LMX1A: variants seen among roughly 807,000 people sequenced by gnomAD.
LMX1A encodes the protein LIM homeobox transcription factor 1 alpha, also known as LIM homeobox transcription factor 1-alpha.
A neutral mutation model predicts 49.1 loss-of-function variants in LMX1A; 15 were observed. That is an observed-to-expected ratio of 0.31 (90% CI 0.20 to 0.47). The LOEUF is 0.47. Among genes scored for constraint, LMX1A ranks in the 20% least tolerant of loss-of-function variants. The pLI, the probability that LMX1A is intolerant of heterozygous loss-of-function variation, is 1.00. For missense variants in LMX1A, 372 were observed against 475.8 expected, an observed-to-expected ratio of 0.78 and a Z score of 2.03; for synonymous variants, 167 against 185.7, an observed-to-expected ratio of 0.90 and a Z score of 0.82.
intron 3 of LMX1A, among the ~76,000 whole-genome samples, chr1:165,346,083 C>G (rs1469306854): frequency 6.6e-6 from 1 of 152,174 alleles, no homozygotes; most frequent in Non-Finnish European, 1.5e-5. Flanking sequence ...CCATTCCCAG[C>G]AAAGCTGGAC....
chr1:165,205,895 G>A lies in LMX1A; in HGVS notation c.957C>T (p.Pro319=), dbSNP rs374428255. 1.1e-5 allele frequency: 17 copies of A among 1,613,950 alleles called. No homozygotes were observed. The African/African-American group carries it at 2.0e-4, about 19-fold the overall frequency. Residue 319 remains proline, a synonymous_variant, in exon 8 of 9, where the codon CCC becomes CCT. Transcript: ENST00000342310. ...GGTGCATGTGGTCTCCAGGCATCTG[G>A]GGTGGGGTGAGACCCTGTCGGAAGG... ...SDPFRQGLTP[P]QMPGDHMHPY... is the part of the protein sequence containing the mutation.
At chr1:165,220,516 G>A (rs1651803324) in intron 4 of LMX1A, among the ~76,000 whole-genome samples, 1 of 152,106 alleles carries the variant, frequency 6.6e-6, no homozygotes, top group African/African-American at 2.4e-5. Flanking sequence ...CCACCTAACC[G>A]AGGAATAAAC....
At chr1:165,331,855 T>G (rs986625728) in intron 3 of LMX1A, among the ~76,000 whole-genome samples, 2 of 152,090 alleles carry the variant, frequency 1.3e-5, no homozygotes, top group African/African-American at 4.8e-5. Flanking sequence ...AGGTGGAAGT[T>G]GCAGTGAGAC....
At chr1:165,241,426 C>T (rs1219303027) in intron 4 of LMX1A, among the ~76,000 whole-genome samples, 1 of 152,180 alleles carries the variant, frequency 6.6e-6, no homozygotes, top group Non-Finnish European at 1.5e-5. Context: ...CCTTGATTTT[C>T]ATTACCTCTT....
intron 3 of LMX1A, among the ~76,000 whole-genome samples, chr1:165,321,895 G>T (rs1375564405): frequency 6.6e-6 from 1 of 151,952 alleles, no homozygotes; most frequent in East Asian, 1.9e-4. Flanking sequence ...TATAAAGAGT[G>T]CAACCTGCAG....
rs116620962 is a variant in LMX1A at position 165,268,197 on chromosome 1, C to T, written c.264-18557G>A. 3.2e-3 allele frequency among the ~76,000 whole-genome samples: 494 copies of T among 152,254 alleles called. 2 individuals carry two copies. Among genetic ancestry groups the T allele is most frequent in the African/African-American group, 0.011 (476 of 41,530 alleles). ...GCTCTAGGCAGAATTCTCAGAAACT[C>T]ATATTGGAAAGAGCCTAAAGTCTGG... On this transcript the variant is annotated intron_variant, in intron 3 of 8. Transcript: ENST00000342310.
chr1:165,251,683 C>T (rs1653064897), intron 3 of LMX1A, among the ~76,000 whole-genome samples: 1 of 152,080 alleles, frequency 6.6e-6, no homozygotes, highest in Admixed American at 6.5e-5. Context: ...ATGCCATTTC[C>T]CCATTCTAGA....
At chr1:165,279,704 G>A (rs976777697) in intron 3 of LMX1A, among the ~76,000 whole-genome samples, 2 of 152,092 alleles carry the variant, frequency 1.3e-5, no homozygotes, top group Non-Finnish European at 2.9e-5. Flanking sequence ...TTAGTGACTC[G>A]ATAATAATAA....
At chr1:165,342,055 G>T (rs1656093718) in intron 3 of LMX1A, among the ~76,000 whole-genome samples, 1 of 152,166 alleles carries the variant, frequency 6.6e-6, no homozygotes, top group Admixed American at 6.5e-5. Flanking sequence ...TCTCCAAAAT[G>T]GACTAGAACT....
chr1:165,354,389 T>A (rs1656529084), intron 2 of LMX1A, among the ~76,000 whole-genome samples: 1 of 152,110 alleles, frequency 6.6e-6, no homozygotes, highest in African/African-American at 2.4e-5. Context: ...TGGGCCACGT[T>A]GAGAGCGAAC....
chr1:165,228,101 T>G (rs1205528968), intron 4 of LMX1A, among the ~76,000 whole-genome samples: 1 of 152,250 alleles, frequency 6.6e-6, no homozygotes, highest in Non-Finnish European at 1.5e-5. Flanking sequence ...AAGCATGATC[T>G]AAGTCATTTT....
At position 165,263,095 on chromosome 1, in the gene LMX1A, C is replaced by T. The variant is rs1452822144; in HGVS notation, c.264-13455G>A. Among the ~76,000 whole-genome samples the T allele has an allele frequency of 2.6e-5, 4 of 152,186 alleles. No homozygotes were observed. In the East Asian group the frequency reaches 7.7e-4, roughly 29 times the overall value. ...ACCAATTTCTCCTCATCTCCCTGAC[C>T]ATGAAATGTTTAGTTCTCTTCTTTA... On this transcript the variant is annotated intron_variant, in intron 3 of 8. Coordinates refer to ENST00000342310, the MANE Select transcript of LMX1A (RefSeq NM_177398.4).
At chr1:165,331,780 G>A (rs1655750016) in intron 3 of LMX1A, among the ~76,000 whole-genome samples, 1 of 152,120 alleles carries the variant, frequency 6.6e-6, no homozygotes. Flanking sequence ...AGCCAGGCAT[G>A]GTGGCAGGTG....
At chr1:165,313,661 C>T (rs942727680) in intron 3 of LMX1A, among the ~76,000 whole-genome samples, 2 of 151,956 alleles carry the variant, frequency 1.3e-5, no homozygotes, top group African/African-American at 4.8e-5. Context: ...CCAGAGCCCA[C>T]GAAGGAGCTG....
At chr1:165,222,246 G>C (rs1211403433) in intron 4 of LMX1A, among the ~76,000 whole-genome samples, 2 of 152,152 alleles carry the variant, frequency 1.3e-5, no homozygotes, top group Non-Finnish European at 2.9e-5. Context: ...GGAGACTGTA[G>C]AGCTCATAAC....
chr1:165,230,388 T>G (rs762462550), intron 4 of LMX1A, among the ~76,000 whole-genome samples: 2 of 150,692 alleles, frequency 1.3e-5, no homozygotes, highest in Non-Finnish European at 3.0e-5. Context: ...GAGCTGTCAC[T>G]TAGGCAATGC....
intron 3 of LMX1A, among the ~76,000 whole-genome samples, chr1:165,349,026 C>G (rs1228836943): frequency 1.3e-5 from 2 of 152,178 alleles, no homozygotes; most frequent in Non-Finnish European, 2.9e-5. Flanking sequence ...GAGAACAGCC[C>G]TGATGACAGC....
At chr1:165,243,290 G>A (rs1652728595) in intron 4 of LMX1A, among the ~76,000 whole-genome samples, 1 of 152,188 alleles carries the variant, frequency 6.6e-6, no homozygotes. Flanking sequence ...AAAGATAAGA[G>A]GGGTAGATAA....
intron 3 of LMX1A, among the ~76,000 whole-genome samples, chr1:165,324,953 T>C (rs1176382027): frequency 6.6e-6 from 1 of 152,200 alleles, no homozygotes; most frequent in Non-Finnish European, 1.5e-5. Flanking sequence ...ACCAATGTTA[T>C]AACAAAGATT....
Sources: allele counts gnomAD v4.1 joint callset (sites outside exome capture counted in the v4.1 genomes callset), GRCh38; gene constraint gnomAD v4.1.1; transcripts MANE v1.5; gene names NCBI Gene and HGNC (gene_info 2026-07-23, HGNC 2026-07-21).